Variants in SPMIP11 observed in about 807,000 individuals in gnomAD.
The protein encoded by SPMIP11 is sperm microtubule inner protein 11.
the SPMIP11 span, among the ~76,000 whole-genome samples, chr12:48,730,787 A>C: frequency 6.6e-6 from 1 of 152,064 alleles, no homozygotes. Context: ...AAAATACAAA[A>C]ATTAGCCAGG....
the SPMIP11 span, among the ~76,000 whole-genome samples, chr12:48,732,450 C>G: frequency 5.9e-5 from 9 of 152,156 alleles, no homozygotes; most frequent in Non-Finnish European, 1.0e-4. Flanking sequence ...AGCTAGCAAG[C>G]TTGGATCAAT....
At chr12:48,769,192 G>T in the SPMIP11 span, 1 of 1,007,782 alleles carries the variant, frequency 9.9e-7, no homozygotes, top group Middle Eastern at 2.3e-4. Context: ...TGGTTGTAAA[G>T]AACAATCTAG....
At chr12:48,737,230 C>A in the SPMIP11 span, among the ~76,000 whole-genome samples, 1 of 151,968 alleles carries the variant, frequency 6.6e-6, no homozygotes, top group South Asian at 2.1e-4. Flanking sequence ...GGATTACAGG[C>A]GTGAGCCACA....
the SPMIP11 span, among the ~76,000 whole-genome samples, chr12:48,750,630 G>A: frequency 3.3e-5 from 5 of 152,174 alleles, 1 homozygote; most frequent in South Asian, 1.0e-3. Flanking sequence ...CGTGGGGCAG[G>A]GAGATTATGG....
At chr12:48,734,646 A>T in the SPMIP11 span, among the ~76,000 whole-genome samples, 1 of 152,172 alleles carries the variant, frequency 6.6e-6, no homozygotes, top group Non-Finnish European at 1.5e-5. Context: ...GTGATTGTTA[A>T]TTTATATGGA....
the SPMIP11 span, among the ~76,000 whole-genome samples, chr12:48,742,078 ATT>A: frequency 1.8e-4 from 28 of 152,106 alleles, no homozygotes; most frequent in African/African-American, 6.5e-4. Context: ...GTTTACTACA[ATT>A]TTAAAAAAAA....
At chr12:48,731,008 T>C in the SPMIP11 span, among the ~76,000 whole-genome samples, 2 of 152,310 alleles carry the variant, frequency 1.3e-5, no homozygotes, top group African/African-American at 4.8e-5. Flanking sequence ...ACCACAGCAA[T>C]AGAGCCAGAA....
the SPMIP11 span, chr12:48,770,763 T>C: frequency 1.9e-6 from 3 of 1,613,708 alleles, no homozygotes; most frequent in Admixed American, 1.7e-5. Context: ...AAAGCCCTCT[T>C]ACCAATCTTC....
the SPMIP11 span, among the ~76,000 whole-genome samples, chr12:48,743,933 CAAAAAA>C: frequency 1.4e-4 from 5 of 34,870 alleles, no homozygotes; most frequent in African/African-American, 3.4e-4. Flanking sequence ...GACTTCGTCT[CAAAAAA>C]AAAAAAAAAA....
chr12:48,743,838 A>C, the SPMIP11 span, among the ~76,000 whole-genome samples: 1 of 148,278 alleles, frequency 6.7e-6, no homozygotes, highest in Non-Finnish European at 1.5e-5. Flanking sequence ...AGGCTGAGGC[A>C]GGAGAATCAC....
chr12:48,762,437 G>A, the SPMIP11 span, among the ~76,000 whole-genome samples: 12,320 of 136,304 alleles, frequency 0.09, 729 homozygotes, highest in African/African-American at 0.18. Context: ...GTGCGATCTC[G>A]GCTCACTGCA....
At chr12:48,745,538 G>A in the SPMIP11 span, among the ~76,000 whole-genome samples, 2 of 152,140 alleles carry the variant, frequency 1.3e-5, no homozygotes, top group East Asian at 1.9e-4. Context: ...CTCAGGAGGC[G>A]GATATTGCAG....
the SPMIP11 span, among the ~76,000 whole-genome samples, chr12:48,752,900 G>A: frequency 1.3e-5 from 2 of 151,930 alleles, no homozygotes; most frequent in African/African-American, 2.4e-5. Flanking sequence ...TCGAACTATC[G>A]ACCTCAGGTG....
chr12:48,755,531 C>A, the SPMIP11 span, among the ~76,000 whole-genome samples: 1 of 152,120 alleles, frequency 6.6e-6, no homozygotes, highest in African/African-American at 2.4e-5. Flanking sequence ...CAAACCTTGG[C>A]AGCTTGGGGA....
the SPMIP11 span, among the ~76,000 whole-genome samples, chr12:48,765,153 A>C: frequency 6.6e-6 from 1 of 152,164 alleles, no homozygotes; most frequent in Non-Finnish European, 1.5e-5. Flanking sequence ...CCGTGATGAC[A>C]TTCAAAGGAG....
At chr12:48,750,940 A>G in the SPMIP11 span, among the ~76,000 whole-genome samples, 1 of 152,198 alleles carries the variant, frequency 6.6e-6, no homozygotes, top group African/African-American at 2.4e-5. Flanking sequence ...CAAATCAGCC[A>G]CATTCCTTGC....
At chr12:48,730,444 C>T in the SPMIP11 span, among the ~76,000 whole-genome samples, 1 of 152,096 alleles carries the variant, frequency 6.6e-6, no homozygotes, top group Non-Finnish European at 1.5e-5. Flanking sequence ...CAGTTACTCT[C>T]GCAAAATATG....
the SPMIP11 span, among the ~76,000 whole-genome samples, chr12:48,749,635 C>CA: frequency 1.4e-4 from 8 of 56,534 alleles, no homozygotes; most frequent in African/African-American, 6.4e-4. Flanking sequence ...AACTCGGTGT[C>CA]AAAAAAAAAA....
the SPMIP11 span, among the ~76,000 whole-genome samples, chr12:48,731,470 G>A: frequency 1.3e-5 from 2 of 151,282 alleles, no homozygotes; most frequent in Non-Finnish European, 2.9e-5. Context: ...CAGCCTGGGC[G>A]ACAGAGCGAG....
Sources: allele counts gnomAD v4.1 joint callset (sites outside exome capture counted in the v4.1 genomes callset), GRCh38; gene constraint gnomAD v4.1.1; transcripts MANE v1.5; gene names NCBI Gene and HGNC (gene_info 2026-07-23, HGNC 2026-07-21).